FHOD3: variants seen among roughly 807,000 people sequenced by gnomAD.
FHOD3 encodes the protein FH1/FH2 domain-containing protein 3.
Under a neutral mutation model 173.0 loss-of-function variants are expected in FHOD3, and 90 were observed. The observed-to-expected ratio is 0.52, with a 90% CI of 0.44 to 0.62. The LOEUF is 0.62. FHOD3 is among the 20% of genes least tolerant of loss of function. The pLI, the probability that FHOD3 is intolerant of heterozygous loss-of-function variation, is 0.00. For missense variants in FHOD3, 1,945 were observed against 2,034.7 expected (o/e 0.96, Z 0.85); for synonymous variants, 828 against 823.0 (o/e 1.01, Z -0.10).
intron 13 of FHOD3, among the ~76,000 whole-genome samples, chr18:36,654,547 T>C (rs1488556888): frequency 6.6e-6 from 1 of 152,198 alleles, no homozygotes; most frequent in Non-Finnish European, 1.5e-5. Flanking sequence ...AGCCAGTCCT[T>C]AGTCAAATGA....
intron 20 of FHOD3, among the ~76,000 whole-genome samples, chr18:36,734,856 C>T (rs1437723105): frequency 6.6e-6 from 1 of 152,096 alleles, no homozygotes; most frequent in African/African-American, 2.4e-5. Context: ...GCTCTGTGTA[C>T]CTAAATGTAA....
intron 3 of FHOD3, among the ~76,000 whole-genome samples, chr18:36,384,124 C>T (rs935238920): frequency 3.9e-5 from 6 of 151,982 alleles, no homozygotes; most frequent in South Asian, 2.1e-4. Context: ...AGGATTAGGC[C>T]GAGTGTGGTG....
intron 2 of FHOD3, among the ~76,000 whole-genome samples, chr18:36,364,101 C>T (rs2046767944): frequency 6.6e-6 from 1 of 152,192 alleles, no homozygotes; most frequent in Non-Finnish European, 1.5e-5. Context: ...CGTGTTTCAT[C>T]ATAGTTACAA....
intron 3 of FHOD3, among the ~76,000 whole-genome samples, chr18:36,390,203 T>C (rs1409799641): frequency 1.3e-5 from 2 of 152,140 alleles, no homozygotes; most frequent in African/African-American, 2.4e-5. Flanking sequence ...ACAGATGAGC[T>C]GGGTCCAGAG....
intron 18 of FHOD3, among the ~76,000 whole-genome samples, chr18:36,714,210 A>G (rs934988033): frequency 1.3e-5 from 2 of 152,202 alleles, no homozygotes; most frequent in African/African-American, 4.8e-5. Context: ...AAATTAATGA[A>G]GAGAATAAGC....
At chr18:36,770,893 A>G (rs76685217) in intron 28 of FHOD3, among the ~76,000 whole-genome samples, 4,549 of 152,200 alleles carry the variant, frequency 0.03, 208 homozygotes, top group African/African-American at 0.1. Context: ...TCTTTATTGT[A>G]TGCCTTCCTC....
chr18:36,601,392 C>T (rs575535292), intron 7 of FHOD3, among the ~76,000 whole-genome samples: 13 of 152,302 alleles, frequency 8.5e-5, no homozygotes, highest in African/African-American at 3.1e-4. Flanking sequence ...ATCCTGTCTT[C>T]TCTGCTTTTC....
intron 27 of FHOD3, among the ~76,000 whole-genome samples, chr18:36,762,137 T>G (rs2042908217): frequency 6.6e-6 from 1 of 152,236 alleles, no homozygotes; most frequent in Non-Finnish European, 1.5e-5. Context: ...GGAATCTTGC[T>G]GTTGTCAACA....
At chr18:36,345,465 G>GTC (rs952074856) in intron 1 of FHOD3, among the ~76,000 whole-genome samples, 1 of 152,174 alleles carries the variant, frequency 6.6e-6, no homozygotes, top group Non-Finnish European at 1.5e-5. Context: ...TTGAGACAGT[G>GTC]TCTCTCTCTG....
Position 36,428,983 on chromosome 18 carries a change from A to G in FHOD3, c.337+56239A>G, listed in dbSNP as rs1228304218. Among the ~76,000 whole-genome samples the G allele has an allele frequency of 2.0e-5, 3 of 152,216 alleles. No individual in the cohort carries two copies. In the East Asian group the frequency reaches 5.8e-4, roughly 29 times the overall value. On this transcript the variant is annotated intron_variant, in intron 3 of 28. Coordinates refer to ENST00000590592, the MANE Select transcript of FHOD3 (RefSeq NM_001281740.3). ...CTTGAAATATGTTTTAGCAGCAGTCAGTCGGGAATGTTAATTAAGGGGCCA... is the reference window on the plus strand; with the variant it reads ...CTTGAAATATGTTTTAGCAGCAGTCGGTCGGGAATGTTAATTAAGGGGCCA...
chr18:36,297,739 G>T lies in FHOD3; in HGVS notation c.-97G>T. ...AGCCTGCGAGTCCGCGAGCCAGCGA[G>T]CTGCGGCTGCGGCCTCCCCTGCGCG... is the stretch of plus-strand genomic sequence containing the variant. On this transcript the variant is annotated 5_prime_UTR_variant, in exon 1 of 29. Coordinates refer to ENST00000590592, the MANE Select transcript of FHOD3 (RefSeq NM_001281740.3). The T allele has an allele frequency of 1.0e-6, 1 of 991,184 alleles. No homozygotes were observed. The highest frequency in any genetic ancestry group is 1.3e-6 in the Non-Finnish European group (1 of 773,372). 61.4% of individuals were successfully genotyped at this position (991,184 alleles called of 1,614,324 possible).
intron 8 of FHOD3, among the ~76,000 whole-genome samples, chr18:36,610,668 A>G (rs1568490982): frequency 6.6e-6 from 1 of 152,254 alleles, no homozygotes; most frequent in Non-Finnish European, 1.5e-5. Context: ...TTATGAATAG[A>G]GGCCTTCTTT....
intron 3 of FHOD3, among the ~76,000 whole-genome samples, chr18:36,494,850 T>G (rs192143882): frequency 3.7e-4 from 56 of 152,322 alleles, no homozygotes; most frequent in South Asian, 1.2e-3. Context: ...TATACTTTTT[T>G]TTTGTTTGTT....
chr18:36,703,522 A>G (rs2039700898), intron 17 of FHOD3, among the ~76,000 whole-genome samples: 1 of 152,150 alleles, frequency 6.6e-6, no homozygotes, highest in African/African-American at 2.4e-5. Flanking sequence ...AGGTGTGGGA[A>G]CCAAAGAGGA....
At chr18:36,656,090 T>G (rs2036408372) in intron 13 of FHOD3, among the ~76,000 whole-genome samples, 1 of 151,868 alleles carries the variant, frequency 6.6e-6, no homozygotes, top group East Asian at 1.9e-4. Context: ...TGCATCAGGG[T>G]CTCGTCACGG....
chr18:36,710,952 T>C (rs921872695), intron 18 of FHOD3: 1 of 152,180 alleles, frequency 6.6e-6, no homozygotes, highest in African/African-American at 2.4e-5. Flanking sequence ...ATTGGATTAG[T>C]AAAAATATAC....
intron 1 of FHOD3, among the ~76,000 whole-genome samples, chr18:36,344,674 A>G (rs138802177): frequency 6.2e-4 from 95 of 152,342 alleles, no homozygotes; most frequent in East Asian, 4.2e-3. Flanking sequence ...CAGATTAAAT[A>G]CTAAACATGC....
chr18:36,608,449 GTTCTCCCTTCCGACACTGCTGCA>G (rs1453850713), intron 8 of FHOD3, among the ~76,000 whole-genome samples: 5 of 152,158 alleles, frequency 3.3e-5, no homozygotes, highest in African/African-American at 1.2e-4. Flanking sequence ...CTGCTTAAAG[GTTCTCCCTTCCGACACTGCTGCA>G]TTGGGGTTTA....
intron 10 of FHOD3, among the ~76,000 whole-genome samples, chr18:36,629,568 A>G (rs977945619): frequency 2.0e-5 from 3 of 152,174 alleles, no homozygotes; most frequent in African/African-American, 4.8e-5. Flanking sequence ...AGAAGAATCC[A>G]CTGTGTTATG....
Sources: gnomAD v4.1 joint callset for allele counts (sites outside exome capture counted in the v4.1 genomes callset) on GRCh38, gnomAD v4.1.1 for gene constraint, MANE v1.5 for transcripts, NCBI Gene and HGNC (gene_info 2026-07-23, HGNC 2026-07-21) for gene names.